SORL1: variants seen among roughly 807,000 people sequenced by gnomAD.
SORL1 encodes sortilin related receptor 1, also known as sortilin-related receptor.
SORL1 carries 127 observed loss-of-function variants against 273.7 expected under a neutral mutation model. The observed-to-expected ratio is 0.46, with a 90% CI of 0.40 to 0.54. The LOEUF is 0.54. SORL1 is among the 20% of genes least tolerant of loss of function. The probability of loss-of-function intolerance (pLI) is 0.00; values close to 1 mark genes in which losing one functional copy is unlikely to be tolerated. For missense variants in SORL1, 2,494 were observed against 2,846.1 expected, an observed-to-expected ratio of 0.88 and a Z score of 2.81; for synonymous variants, 1,031 against 1,067.4, an observed-to-expected ratio of 0.97 and a Z score of 0.66.
intron 1 of SORL1, among the ~76,000 whole-genome samples, chr11:121,464,815 A>G (rs1861058836): frequency 6.6e-6 from 1 of 152,170 alleles, no homozygotes; most frequent in African/African-American, 2.4e-5. Context: ...TGCCGCTGAC[A>G]GCACTTTGAA....
intron 19 of SORL1, 100 bp from the exon 20 acceptor site, chr11:121,558,491 G>A (rs1283796548): frequency 1.8e-5 from 22 of 1,234,346 alleles, no homozygotes; most frequent in South Asian, 2.6e-5. Flanking sequence ...ATAACCAGCC[G>A]GATCATTCGA....
intron 36 of SORL1, 111 bp downstream of exon 36, chr11:121,607,068 A>G: frequency 9.9e-7 from 1 of 1,010,004 alleles, no homozygotes; most frequent in East Asian, 2.4e-5. Context: ...GTGATGACCC[A>G]TCCGTCAGAA....
chr11:121,614,855 T>C lies in SORL1; in HGVS notation c.5420-16T>C, dbSNP rs1329180081. On this transcript the variant is annotated splice_polypyrimidine_tract_variant and intron_variant, in intron 40 of 47. Transcript: ENST00000260197. ...CCCCAACTTCCTCCTGGAATCTCCT[T>C]TTCCTGTTTTCACAGTTGGCAATCT... 1 of 1,610,396 alleles carries C rather than the reference T, an allele frequency of 6.2e-7. No homozygotes were observed. The highest frequency in any genetic ancestry group is 8.5e-7 in the Non-Finnish European group (1 of 1,178,116).
intron 31 of SORL1, among the ~76,000 whole-genome samples, chr11:121,592,669 A>G (rs1351600342): frequency 6.6e-6 from 1 of 152,226 alleles, no homozygotes; most frequent in Non-Finnish European, 1.5e-5. Flanking sequence ...CATGCTGTCT[A>G]CTACTTTGAG....
At chr11:121,500,377 C>T (rs147460504) in intron 6 of SORL1, among the ~76,000 whole-genome samples, 103 of 152,328 alleles carry the variant, frequency 6.8e-4, no homozygotes, top group African/African-American at 2.4e-3. Flanking sequence ...CTTGAAGTCT[C>T]TTCTGTGACC....
At position 121,550,237 on chromosome 11, in the gene SORL1, A is replaced by G. The variant is rs1176515495; in HGVS notation, c.2180+149A>G. 2 of 807,684 alleles carry G rather than the reference A, an allele frequency of 2.5e-6. No homozygotes were observed. Among genetic ancestry groups the G allele is most frequent in the Non-Finnish European group, 1.9e-6 (1 of 530,172 alleles). The allele number at this position is 807,684 out of a possible 1,614,324, so 50.0% of individuals were successfully genotyped here. The stretch of plus-strand genomic sequence containing the variant: ...AGTAGTTTGGGCAACATTATAAATT[A>G]TGGTATTTGTAAACTCTCCTACCTC... On this transcript the variant is annotated intron_variant, in intron 15 of 47. Transcript: ENST00000260197. This position sits in a 1 kb window ranked among gnomAD's most constrained non-coding sequence, Gnocchi z 5.3.
intron 16 of SORL1, 50 bp from the exon 17 acceptor site, chr11:121,553,887 C>A: frequency 6.4e-7 from 1 of 1,570,772 alleles, no homozygotes; most frequent in Non-Finnish European, 8.7e-7. Flanking sequence ...GCTAGGACCT[C>A]TTCAGCATCC....
Position 121,589,250 on chromosome 11 carries a change from C to T in SORL1, c.3947-9C>T, listed in dbSNP as rs1307344625. 6.2e-7 allele frequency: 1 copy of T among 1,612,350 alleles called. No individual in the cohort carries two copies. The highest frequency in any genetic ancestry group is 8.5e-7 in the Non-Finnish European group (1 of 1,178,680). On this transcript the variant is annotated splice_polypyrimidine_tract_variant and intron_variant, in intron 28 of 47. Coordinates refer to ENST00000260197, the MANE Select transcript of SORL1 (RefSeq NM_003105.6). The stretch of plus-strand genomic sequence containing the variant: ...TCCTGGACTTCATGGATGTTTGTTC[C>T]CTCTGTAGCCCAAGATCCTGAGTTC...
chr11:121,618,980 A>G, intron 42 of SORL1, 87 bp downstream of exon 42: 1 of 1,403,238 alleles, frequency 7.1e-7, no homozygotes, highest in Non-Finnish European at 1.0e-6. Flanking sequence ...GAGCTTGCAT[A>G]CCTGGACTCC....
chr11:121,524,245 G>T (rs1203524637), intron 11 of SORL1, among the ~76,000 whole-genome samples: 1 of 152,226 alleles, frequency 6.6e-6, no homozygotes, highest in South Asian at 2.1e-4. Context: ...TCTTCTCTGC[G>T]AATAGGCCTG....
At chr11:121,455,388 G>A (rs1860886050) in intron 1 of SORL1, among the ~76,000 whole-genome samples, 1 of 152,212 alleles carries the variant, frequency 6.6e-6, no homozygotes, top group Admixed American at 6.5e-5. Flanking sequence ...ACAGGTTAGG[G>A]CTGGAAGCAG....
At chr11:121,475,716 C>T (rs1174316398) in intron 2 of SORL1, among the ~76,000 whole-genome samples, 2 of 152,132 alleles carry the variant, frequency 1.3e-5, no homozygotes, top group African/African-American at 2.4e-5. Context: ...GACAACTGGA[C>T]GTGGAATTGG....
intron 17 of SORL1, 180 bp from the exon 18 acceptor site, chr11:121,555,007 A>G (rs1344674712): frequency 9.0e-6 from 5 of 556,326 alleles, no homozygotes; most frequent in South Asian, 3.1e-5. Flanking sequence ...AAAATGTAGT[A>G]TATTTTAGAA....
In SORL1 at chr11:121,621,168, T is replaced by A; in HGVS notation, c.5994T>A (p.Pro1998=). Residue 1998 remains proline, a synonymous_variant, in exon 44 of 48, where the codon CCT becomes CCA. Transcript: ENST00000260197. ...AATACACCCTTAACAAGTTGGAGCC[T>A]GGCGGGAAATACCACATCATTGTCC... is the stretch of plus-strand genomic sequence containing the variant. ...TVEYTLNKLE[P]GGKYHIIVQL... 1 of 1,614,222 alleles carries A rather than the reference T, an allele frequency of 6.2e-7. No individual in the cohort carries two copies. Among genetic ancestry groups the A allele is most frequent in the Non-Finnish European group, 8.5e-7 (1 of 1,180,014 alleles).
In SORL1 at chr11:121,554,149, G is replaced by GT; in HGVS notation, c.2439+41dup. On this transcript the variant is annotated intron_variant, in intron 17 of 47. Coordinates refer to ENST00000260197, the MANE Select transcript of SORL1 (RefSeq NM_003105.6). This position sits in a 1 kb window ranked among gnomAD's most constrained non-coding sequence, Gnocchi z 4.6. ...GGTCTGACTGTGGGAGCTGTGCATC[G>GT]TGACTGCCCTGTCCTGATAAGCTGC... The GT allele has an allele frequency of 6.3e-7, 1 of 1,585,698 alleles. No individual in the cohort carries two copies. Among genetic ancestry groups the GT allele is most frequent in the Non-Finnish European group, 8.6e-7 (1 of 1,158,116 alleles).
chr11:121,532,434 G>A, intron 11 of SORL1, 30 bp from the exon 12 acceptor site: 1 of 1,601,928 alleles, frequency 6.2e-7, no homozygotes, highest in Non-Finnish European at 8.6e-7. Context: ...CTCCACAGCA[G>A]TGGTGTCACC....
intron 5 of SORL1, among the ~76,000 whole-genome samples, chr11:121,496,428 G>A (rs536618775): frequency 1.3e-5 from 2 of 152,316 alleles, no homozygotes; most frequent in East Asian, 1.9e-4. Flanking sequence ...GAAGGATCAG[G>A]CTCAGAGGTT....
chr11:121,545,661 C>G (rs541162156), intron 14 of SORL1, among the ~76,000 whole-genome samples: 1 of 152,312 alleles, frequency 6.6e-6, no homozygotes, highest in African/African-American at 2.4e-5. Flanking sequence ...AGGAGAGCTG[C>G]AGCTATTTCT....
intron 16 of SORL1, among the ~76,000 whole-genome samples, chr11:121,553,148 C>T (rs1302241991): frequency 6.6e-6 from 1 of 152,154 alleles, no homozygotes; most frequent in African/African-American, 2.4e-5. Context: ...GCCTGGGTTC[C>T]AATCTTGGTT....
Sources: gnomAD v4.1 joint callset for allele counts (sites outside exome capture counted in the v4.1 genomes callset) on GRCh38, gnomAD v4.1.1 for gene constraint, Gnocchi (gnomAD v3.1) non-coding constraint, MANE v1.5 for transcripts, NCBI Gene and HGNC (gene_info 2026-07-23, HGNC 2026-07-21) for gene names.